SOX6: variants seen among roughly 807,000 people sequenced by gnomAD.
SOX6 encodes the protein transcription factor SOX-6.
In SOX6, 11 loss-of-function variants were observed where a neutral mutation model predicts 97.8. That is an observed-to-expected ratio of 0.11 (90% CI 0.07 to 0.19). The LOEUF is 0.19. Among genes scored for constraint, SOX6 ranks in the 10% least tolerant of loss-of-function variants. The probability of loss-of-function intolerance (pLI) is 1.00; values close to 1 mark genes in which losing one functional copy is unlikely to be tolerated. For missense variants in SOX6, 810 were observed against 1,039.5 expected, an observed-to-expected ratio of 0.78 and a Z score of 3.04; for synonymous variants, 360 against 371.4, an observed-to-expected ratio of 0.97 and a Z score of 0.35.
At chr11:16,495,521 T>C (rs907560635) in intron 4 of SOX6, among the ~76,000 whole-genome samples, 2 of 152,122 alleles carry the variant, frequency 1.3e-5, no homozygotes, top group African/African-American at 4.8e-5. Context: ...AGGACAAGCT[T>C]ACCCAATCTA....
At chr11:16,614,816 T>C (rs1275742865) in intron 3 of SOX6, among the ~76,000 whole-genome samples, 2 of 152,316 alleles carry the variant, frequency 1.3e-5, no homozygotes, top group South Asian at 2.1e-4. Flanking sequence ...ATATACTTTA[T>C]AAATTGAGAA....
chr11:16,610,454 T>C lies in SOX6; in HGVS notation n.609+1627A>G, dbSNP rs1848383292. ...GGCAAGACTGACCCTGCCGACCAGA[T>C]GCAGGCCGCTAGCGGGAGGCAAGAA... On this transcript the variant is annotated intron_variant and non_coding_transcript_variant, in intron 4 of 5. Transcript: ENST00000524520. This position sits in a 1 kb window ranked among gnomAD's most constrained non-coding sequence, Gnocchi z 4.4. Among the ~76,000 whole-genome samples, 1 of 152,170 alleles carries C rather than the reference T, an allele frequency of 6.6e-6. No individual in the cohort carries two copies. Among genetic ancestry groups the C allele is most frequent in the South Asian group, 2.1e-4 (1 of 4,832 alleles).
chr11:15,995,671 C>CA (rs1158590541), intron 13 of SOX6, among the ~76,000 whole-genome samples: 3 of 152,034 alleles, frequency 2.0e-5, no homozygotes, highest in African/African-American at 7.2e-5. Context: ...ATAAATACAA[C>CA]AAAACCACAC....
At chr11:16,302,228 T>A (rs1407979499) in intron 3 of SOX6, among the ~76,000 whole-genome samples, 1 of 152,202 alleles carries the variant, frequency 6.6e-6, no homozygotes, top group African/African-American at 2.4e-5. Flanking sequence ...AAGTGTTCAA[T>A]TATGTCGATC....
chr11:16,658,360 T>A (rs940622042), intron 3 of SOX6, among the ~76,000 whole-genome samples: 37 of 152,230 alleles, frequency 2.4e-4, no homozygotes, highest in African/African-American at 8.0e-4. Context: ...TCTTATAGAT[T>A]TATATATCAT....
upstream of SOX6, among the ~76,000 whole-genome samples, chr11:16,359,159 T>C (rs1202257424): frequency 1.3e-5 from 2 of 151,698 alleles, no homozygotes; most frequent in African/African-American, 4.9e-5. Context: ...TACAGAAGAC[T>C]CACTTAACCG....
intron 2 of SOX6, among the ~76,000 whole-genome samples, chr11:16,731,122 A>C (rs1398616167): frequency 2.0e-5 from 3 of 152,164 alleles, no homozygotes; most frequent in Admixed American, 2.0e-4. Context: ...TACCAACAAA[A>C]AGAAGCCCAG....
intron 4 of SOX6, among the ~76,000 whole-genome samples, chr11:16,567,108 C>T (rs1040195873): frequency 2.1e-4 from 32 of 152,178 alleles, no homozygotes; most frequent in African/African-American, 6.8e-4. Flanking sequence ...AATTCCACAC[C>T]TGACCTCATC....
At chr11:16,658,451 G>A (rs1842605682) in intron 3 of SOX6, among the ~76,000 whole-genome samples, 1 of 152,198 alleles carries the variant, frequency 6.6e-6, no homozygotes, top group African/African-American at 2.4e-5. Context: ...GCTCACGCCT[G>A]TAATCCCAGC....
chr11:16,244,936 C>A (rs912986765), intron 3 of SOX6, among the ~76,000 whole-genome samples: 1 of 151,718 alleles, frequency 6.6e-6, no homozygotes, highest in Non-Finnish European at 1.5e-5. Flanking sequence ...TTTGGCTACG[C>A]TAGGTCCTTT....
At chr11:16,463,165 A>G (rs569800141) in intron 1 of SOX6, among the ~76,000 whole-genome samples, 21 of 152,288 alleles carry the variant, frequency 1.4e-4, no homozygotes, top group Admixed American at 1.2e-3. Flanking sequence ...ATGGGAACAA[A>G]TTGGTTCCAA....
intron 3 of SOX6, among the ~76,000 whole-genome samples, chr11:16,281,800 G>A (rs1429508450): frequency 6.6e-6 from 1 of 151,584 alleles, no homozygotes. Context: ...ATTTTCCCAT[G>A]ATGATACACC....
In SOX6 at chr11:16,328,946, A is replaced by G. The variant is rs183318821; in HGVS notation, c.238-10293T>C. On this transcript the variant is annotated intron_variant, in intron 2 of 15. Transcript: ENST00000683767. ...AATGCTATATTTGGTTCTAATTGCC[A>G]ACAGATTATTCATGACAAAAGTATC... is the stretch of plus-strand genomic sequence containing the variant. 4.6e-3 allele frequency among the ~76,000 whole-genome samples: 695 copies of G among 152,332 alleles called. 5 individuals carry two copies. The highest frequency in any genetic ancestry group is 0.018 in the South Asian group (88 of 4,832).
At chr11:16,402,990 G>T in intron 1 of SOX6, 1 of 606,506 alleles carries the variant, frequency 1.6e-6, no homozygotes. Flanking sequence ...CCTCACAGAT[G>T]GAAGTTGGAG....
chr11:16,493,424 A>G (rs1860540862), intron 4 of SOX6, among the ~76,000 whole-genome samples: 1 of 152,220 alleles, frequency 6.6e-6, no homozygotes, highest in African/African-American at 2.4e-5. Context: ...GGGTGAAACT[A>G]TAAAGAAAAG....
rs144930382 is a variant in SOX6, at chr11:16,704,379, A to G, written n.429+10451T>C. On this transcript the variant is annotated intron_variant and non_coding_transcript_variant, in intron 3 of 5. Transcript: ENST00000524520. ...AAATGCAAAAGACCAAATGGATAAC[A>G]GAGTGACAACAAGCTAGGCAAACAA... Among the ~76,000 whole-genome samples the G allele has an allele frequency of 2.9e-4, 44 of 152,310 alleles. No homozygotes were observed. The East Asian group carries it at 3.3e-3, about 11-fold the overall frequency.
At chr11:16,632,861 G>A (rs1848731066) in intron 3 of SOX6, among the ~76,000 whole-genome samples, 1 of 152,216 alleles carries the variant, frequency 6.6e-6, no homozygotes, top group East Asian at 1.9e-4. Flanking sequence ...AGTGGCTCAG[G>A]CTTCTGAACC....
At chr11:16,427,577 G>T (rs1218097121) in intron 1 of SOX6, among the ~76,000 whole-genome samples, 1 of 151,968 alleles carries the variant, frequency 6.6e-6, no homozygotes, top group African/African-American at 2.4e-5. Flanking sequence ...AGAACATGAG[G>T]TGTTTGGTTT....
chr11:16,302,200 A>C (rs1000624934), intron 3 of SOX6, among the ~76,000 whole-genome samples: 5 of 152,114 alleles, frequency 3.3e-5, no homozygotes, highest in Non-Finnish European at 5.9e-5. Flanking sequence ...AATGCCACCA[A>C]AGTTACTTTT....
Sources: gnomAD v4.1 joint callset for allele counts (sites outside exome capture counted in the v4.1 genomes callset) on GRCh38, gnomAD v4.1.1 for gene constraint, Gnocchi (gnomAD v3.1) non-coding constraint, MANE v1.5 for transcripts, NCBI Gene and HGNC (gene_info 2026-07-23, HGNC 2026-07-21) for gene names.